Variants in ZNF521 observed in about 807,000 individuals in gnomAD.
The protein encoded by ZNF521 is LYST-interacting protein 3.
Under a neutral mutation model 105.5 loss-of-function variants are expected in ZNF521, and 14 were observed. The ratio of observed to expected loss-of-function variants is 0.13; its 90% confidence interval spans 0.09 to 0.21. The LOEUF is 0.21. Among genes scored for constraint, ZNF521 ranks in the 10% least tolerant of loss-of-function variants. The probability of loss-of-function intolerance (pLI) is 1.00; values close to 1 mark genes in which losing one functional copy is unlikely to be tolerated. For missense variants in ZNF521, 1,233 were observed against 1,629.7 expected, an observed-to-expected ratio of 0.76 and a Z score of 4.19; for synonymous variants, 635 against 606.0, an observed-to-expected ratio of 1.05 and a Z score of -0.70.
intron 3 of ZNF521, among the ~76,000 whole-genome samples, chr18:25,255,348 G>A (rs1908407721): frequency 1.3e-5 from 2 of 152,052 alleles, no homozygotes; most frequent in South Asian, 4.1e-4. Context: ...TACATACAAA[G>A]TAAAAAGGAA....
rs376386752 is a variant in ZNF521, at chr18:25,087,430, G to A, written c.3906+2035C>T. Among the ~76,000 whole-genome samples, 89 of 152,266 alleles carry A rather than the reference G, an allele frequency of 5.8e-4. No individual in the cohort carries two copies. The Middle Eastern group carries it at 0.014, about 23-fold the overall frequency. Reference sequence around the variant, plus strand: ...ATGAAAGACATTGATGGTACCACCAGGTAAGAATCTACTAATACAGTACAA... The same window carrying A: ...ATGAAAGACATTGATGGTACCACCAAGTAAGAATCTACTAATACAGTACAA... On this transcript the variant is annotated intron_variant, in intron 7 of 7. Coordinates refer to ENST00000361524, the MANE Select transcript of ZNF521 (RefSeq NM_015461.3).
intron 5 of ZNF521, chr18:25,136,625 G>A (rs892486401): frequency 2.6e-5 from 4 of 152,320 alleles, no homozygotes; most frequent in African/African-American, 9.6e-5. Context: ...GGAGTGGGAA[G>A]AGGGATTCCT....
chr18:25,105,560 A>T (rs1397947717), intron 5 of ZNF521, among the ~76,000 whole-genome samples: 1 of 152,166 alleles, frequency 6.6e-6, no homozygotes. Flanking sequence ...TACTGTATTT[A>T]TATAGCCCTT....
At chr18:25,341,801 A>C (rs1437128431) in intron 2 of ZNF521, among the ~76,000 whole-genome samples, 4 of 152,216 alleles carry the variant, frequency 2.6e-5, no homozygotes, top group Non-Finnish European at 5.9e-5. Context: ...ACTAAAAAGC[A>C]ATGGAAAGTA....
intron 3 of ZNF521, among the ~76,000 whole-genome samples, chr18:25,308,222 G>A (rs1217757138): frequency 3.0e-5 from 4 of 135,116 alleles, no homozygotes; most frequent in South Asian, 5.1e-4. Flanking sequence ...AAAAAAAAGC[G>A]TGGATACCCC....
At chr18:25,234,495 A>C (rs1456697010) in intron 3 of ZNF521, among the ~76,000 whole-genome samples, 3 of 152,194 alleles carry the variant, frequency 2.0e-5, no homozygotes, top group Non-Finnish European at 4.4e-5. Flanking sequence ...TTCAGGTCTA[A>C]TATTGGCTTG....
At chr18:25,118,283 A>T (rs1219331775) in intron 5 of ZNF521, among the ~76,000 whole-genome samples, 1 of 152,084 alleles carries the variant, frequency 6.6e-6, no homozygotes. Context: ...TGAACTATAA[A>T]GAGTTCTTCT....
At chr18:25,239,548 C>G (rs998805054) in intron 3 of ZNF521, among the ~76,000 whole-genome samples, 2 of 152,226 alleles carry the variant, frequency 1.3e-5, no homozygotes, top group Non-Finnish European at 2.9e-5. Context: ...AAATGAATAT[C>G]TGGAGTAAGA....
intron 3 of ZNF521, among the ~76,000 whole-genome samples, chr18:25,262,296 T>C (rs1436498137): frequency 6.6e-6 from 1 of 152,220 alleles, no homozygotes; most frequent in African/African-American, 2.4e-5. Flanking sequence ...CAGATACTTT[T>C]CCCTGGGGTT....
chr18:25,072,121 C>T (rs1291914236), intron 7 of ZNF521, among the ~76,000 whole-genome samples: 1 of 152,132 alleles, frequency 6.6e-6, no homozygotes, highest in Admixed American at 6.5e-5. Context: ...CTATTTTCTG[C>T]AATATCAAAC....
At chr18:25,138,574 C>T (rs2034781249) in intron 5 of ZNF521, among the ~76,000 whole-genome samples, 2 of 151,944 alleles carry the variant, frequency 1.3e-5, no homozygotes, top group South Asian at 2.1e-4. Flanking sequence ...CTGATTTCAT[C>T]GATAAAGCAT....
chr18:25,294,344 G>T (rs922745030), intron 3 of ZNF521, among the ~76,000 whole-genome samples: 10 of 152,116 alleles, frequency 6.6e-5, no homozygotes, highest in Non-Finnish European at 1.0e-4. Flanking sequence ...TATGCATAAA[G>T]CATGGGAAAA....
Position 25,218,628 on chromosome 18 carries a change from G to A in ZNF521, c.3573+5717C>T, listed in dbSNP as rs1324041968. On this transcript the variant is annotated intron_variant, in intron 4 of 7. Coordinates refer to ENST00000361524, the MANE Select transcript of ZNF521 (RefSeq NM_015461.3). ...GATCCCACCACTGTACTCAAGCCTG[G>A]GCCACAGAGTGAAACCCTGTCTGAG... Among the ~76,000 whole-genome samples, 4 of 150,912 alleles carry A rather than the reference G, an allele frequency of 2.7e-5. No individual in the cohort carries two copies. The East Asian group carries it at 7.8e-4, about 29-fold the overall frequency.
chr18:25,219,160 A>G (rs1292892184), intron 4 of ZNF521, among the ~76,000 whole-genome samples: 2 of 152,208 alleles, frequency 1.3e-5, no homozygotes, highest in African/African-American at 4.8e-5. Flanking sequence ...GTGTTAACTG[A>G]CTGTTTATGT....
At chr18:25,083,125 G>A (rs1416992495) in intron 7 of ZNF521, among the ~76,000 whole-genome samples, 1 of 152,126 alleles carries the variant, frequency 6.6e-6, no homozygotes, top group African/African-American at 2.4e-5. Flanking sequence ...CCACACCTCC[G>A]TAATTGGATG....
At chr18:25,113,359 C>T (rs1300400550) in intron 5 of ZNF521, among the ~76,000 whole-genome samples, 2 of 152,172 alleles carry the variant, frequency 1.3e-5, no homozygotes, top group Non-Finnish European at 2.9e-5. Flanking sequence ...TCTAACAAGG[C>T]CGCCCAGCGC....
intron 7 of ZNF521, among the ~76,000 whole-genome samples, chr18:25,067,675 T>C (rs2033104402): frequency 6.6e-6 from 1 of 152,198 alleles, no homozygotes; most frequent in Non-Finnish European, 1.5e-5. Context: ...ATTTGAATTT[T>C]TGCACCTACA....
At chr18:25,105,944 T>C (rs944084755) in intron 5 of ZNF521, among the ~76,000 whole-genome samples, 2 of 152,182 alleles carry the variant, frequency 1.3e-5, no homozygotes, top group Non-Finnish European at 2.9e-5. Flanking sequence ...CTTGGGCCTT[T>C]CTGGTTATTT....
intron 5 of ZNF521, among the ~76,000 whole-genome samples, chr18:25,190,697 C>T (rs986421998): frequency 6.6e-6 from 1 of 152,164 alleles, no homozygotes; most frequent in African/African-American, 2.4e-5. Context: ...TGACCTTGGG[C>T]ACCAAACAAA....
Sources: gnomAD v4.1 joint callset for allele counts (sites outside exome capture counted in the v4.1 genomes callset) on GRCh38, gnomAD v4.1.1 for gene constraint, MANE v1.5 for transcripts, NCBI Gene and HGNC (gene_info 2026-07-23, HGNC 2026-07-21) for gene names.